Variants in DLGAP2 observed in about 807,000 individuals in gnomAD.
The protein encoded by DLGAP2 is DLG associated protein 2.
Under a neutral mutation model 100.3 loss-of-function variants are expected in DLGAP2, and 26 were observed. The ratio of observed to expected loss-of-function variants is 0.26; its 90% CI spans 0.19 to 0.36. The LOEUF (loss-of-function observed/expected upper bound fraction) is 0.36. Ranked by LOEUF, DLGAP2 falls within the 10% of genes least tolerant of loss-of-function variation. DLGAP2 has a pLI of 1.00. For synonymous variants in DLGAP2, 886 were observed against 630.1 expected, an observed-to-expected ratio of 1.41 and a Z score of -6.08; for missense variants, 1,858 against 1,453.2, an observed-to-expected ratio of 1.28 and a Z score of -4.53.
chr8:1,261,960 A>C (rs1333508675), intron 3 of DLGAP2, among the ~76,000 whole-genome samples: 1 of 152,190 alleles, frequency 6.6e-6, no homozygotes, highest in Non-Finnish European at 1.5e-5. Context: ...CGCTCATTAC[A>C]TCCAGAAGGT....
chr8:847,380 A>G lies in DLGAP2; in HGVS notation c.19-60532A>G, dbSNP rs139068252. The stretch of plus-strand genomic sequence containing the variant: ...ATTTTTAATTTTTGACTAAAATTAA[A>G]AAGTTTTAATATCAGTGTAATTGAG... On this transcript the variant is annotated intron_variant, in intron 1 of 14. Coordinates refer to ENST00000637795, the MANE Select transcript of DLGAP2 (RefSeq NM_001346810.2). 2.6e-5 allele frequency among the ~76,000 whole-genome samples: 4 copies of G among 152,312 alleles called. No homozygotes were observed. In the East Asian group the frequency reaches 7.7e-4, roughly 29 times the overall value.
At chr8:1,689,011 G>C (rs1298824758) in intron 12 of DLGAP2, among the ~76,000 whole-genome samples, 2 of 152,238 alleles carry the variant, frequency 1.3e-5, no homozygotes, top group African/African-American at 4.8e-5. Flanking sequence ...ACCCTGGCTT[G>C]GGCAGCAGGA....
At chr8:1,256,793 G>A (rs979958673) in intron 2 of DLGAP2, among the ~76,000 whole-genome samples, 2 of 152,190 alleles carry the variant, frequency 1.3e-5, no homozygotes, top group African/African-American at 2.4e-5. Flanking sequence ...CTAAACCTGA[G>A]GGTCTGCTTC....
intron 1 of DLGAP2, among the ~76,000 whole-genome samples, chr8:833,095 C>CT (rs1250315987): frequency 1.3e-5 from 2 of 152,196 alleles, no homozygotes. Flanking sequence ...TGATACAGGG[C>CT]TTACCTGTCT....
chr8:1,287,628 G>A lies in DLGAP2; in HGVS notation c.106+28745G>A, dbSNP rs79641446. Among the ~76,000 whole-genome samples, 9 of 92,690 alleles carry A rather than the reference G, an allele frequency of 9.7e-5. 1 individual carries two copies. Among genetic ancestry groups the A allele is most frequent in the South Asian group, 4.7e-4 (1 of 2,142 alleles). 60.8% of individuals were successfully genotyped at this position (92,690 alleles called of 152,430 possible). On this transcript the variant is annotated intron_variant, in intron 3 of 14. Coordinates refer to ENST00000637795, the MANE Select transcript of DLGAP2 (RefSeq NM_001346810.2). Reference sequence around the variant, plus strand: ...TGGTTCTGTTAGGGGAACTAGTTTCGGTTGAGTGTGTGTGTGTGTGTGTGT... The same window carrying A: ...TGGTTCTGTTAGGGGAACTAGTTTCAGTTGAGTGTGTGTGTGTGTGTGTGT...
At chr8:1,441,925 G>A (rs116793829) in intron 3 of DLGAP2, among the ~76,000 whole-genome samples, 1,876 of 152,104 alleles carry the variant, frequency 0.012, 38 homozygotes, top group African/African-American at 0.042. Flanking sequence ...AATACTATGC[G>A]GCCATGAAAA....
chr8:857,136 A>G (rs896900227), intron 1 of DLGAP2, among the ~76,000 whole-genome samples: 2 of 152,254 alleles, frequency 1.3e-5, no homozygotes, highest in Non-Finnish European at 2.9e-5. Context: ...GCTCTTATCA[A>G]CAGATGGTGT....
At chr8:1,095,763 A>G (rs920853009) in intron 2 of DLGAP2, among the ~76,000 whole-genome samples, 4 of 152,214 alleles carry the variant, frequency 2.6e-5, no homozygotes, top group Admixed American at 2.6e-4. Context: ...TTCTTTTTGT[A>G]ACATAAAAAC....
chr8:1,454,864 G>A (rs1460407887), intron 3 of DLGAP2, among the ~76,000 whole-genome samples: 1 of 152,152 alleles, frequency 6.6e-6, no homozygotes, highest in Non-Finnish European at 1.5e-5. Context: ...GGCCTTTGGT[G>A]GTCCTGTGGC....
At chr8:1,386,221 G>A (rs1221712636) in intron 3 of DLGAP2, among the ~76,000 whole-genome samples, 1 of 152,190 alleles carries the variant, frequency 6.6e-6, no homozygotes, top group African/African-American at 2.4e-5. Flanking sequence ...GCAGAGTGGG[G>A]AAATGATCCA....
intron 2 of DLGAP2, among the ~76,000 whole-genome samples, chr8:1,053,894 A>G (rs544171987): frequency 9.2e-5 from 14 of 152,292 alleles, no homozygotes; most frequent in Non-Finnish European, 1.6e-4. Flanking sequence ...TTTTAGAGCA[A>G]GTACTGTTGA....
intron 3 of DLGAP2, among the ~76,000 whole-genome samples, chr8:1,361,090 T>C (rs1285322362): frequency 2.0e-5 from 3 of 152,228 alleles, no homozygotes; most frequent in Non-Finnish European, 2.9e-5. Context: ...AGCCCCAGGC[T>C]GTTCACAGTG....
chr8:1,392,882 C>CGT (rs1554459364), intron 3 of DLGAP2, among the ~76,000 whole-genome samples: 85 of 141,260 alleles, frequency 6.0e-4, no homozygotes, highest in African/African-American at 2.3e-3. Flanking sequence ...TTAAATGTGA[C>CGT]GTTTCTGTTT....
intron 13 of DLGAP2, among the ~76,000 whole-genome samples, chr8:1,695,508 C>A (rs888899167): frequency 1.4e-5 from 2 of 140,378 alleles, no homozygotes; most frequent in South Asian, 4.5e-4. Flanking sequence ...CCCGGCCCTA[C>A]AGAAAGGGGG....
At chr8:1,213,890 C>G (rs138248677) in intron 2 of DLGAP2, among the ~76,000 whole-genome samples, 3 of 152,202 alleles carry the variant, frequency 2.0e-5, no homozygotes, top group East Asian at 1.9e-4. Flanking sequence ...CCCCATCACT[C>G]GGGTCCTCAC....
At chr8:1,363,910 T>TG (rs931376628) in intron 3 of DLGAP2, among the ~76,000 whole-genome samples, 13 of 152,216 alleles carry the variant, frequency 8.5e-5, no homozygotes, top group Admixed American at 2.6e-4. Flanking sequence ...TTGTGCCGGC[T>TG]GGGGGGTCCC....
chr8:1,100,532 G>C (rs141673075), intron 2 of DLGAP2, among the ~76,000 whole-genome samples: 2 of 152,084 alleles, frequency 1.3e-5, no homozygotes, highest in Non-Finnish European at 2.9e-5. Flanking sequence ...GTGCGTGCAC[G>C]TGCCTACCCA....
chr8:1,657,432 C>T (rs1798309890), intron 8 of DLGAP2, among the ~76,000 whole-genome samples: 1 of 152,236 alleles, frequency 6.6e-6, no homozygotes. Flanking sequence ...TATTATCACC[C>T]ACACCATCCA....
chr8:1,077,684 T>A (rs1196303165), intron 2 of DLGAP2, among the ~76,000 whole-genome samples: 1 of 152,240 alleles, frequency 6.6e-6, no homozygotes, highest in Non-Finnish European at 1.5e-5. Context: ...ATACTAAGAA[T>A]GTTCTTAAGA....
Sources: gnomAD v4.1 joint callset for allele counts (sites outside exome capture counted in the v4.1 genomes callset) on GRCh38, gnomAD v4.1.1 for gene constraint, MANE v1.5 for transcripts, NCBI Gene and HGNC (gene_info 2026-07-23, HGNC 2026-07-21) for gene names.